Variants in CEP120 observed in about 807,000 individuals in gnomAD.
CEP120 encodes centrosomal protein 120, also known as centrosomal protein of 120 kDa.
CEP120 carries 113 observed loss-of-function variants against 126.5 expected under a neutral mutation model. That is an observed-to-expected ratio of 0.89 (90% CI 0.77 to 1.04). The LOEUF (loss-of-function observed/expected upper bound fraction) is 1.04. CEP120 is among the 50% of genes least tolerant of loss of function. The pLI is 0.00. For missense variants in CEP120, 1,230 were observed against 1,155.7 expected (o/e 1.06, Z -0.93); for synonymous variants, 400 against 394.3 (o/e 1.01, Z -0.17).
rs375851614 is a variant in CEP120, at chr5:123,389,935, G to A, written c.1244C>T (p.Pro415Leu). ...ESLQYDKDTK[P>L]NPKASSSVPA... ...ACAAAAAACCTTACCTTTTGGATTT[G>A]GTTTGGTGTCCTTATCATACTGTAA... The change falls in exon 8 of 20, where the codon CCA (proline) becomes CTA (leucine). Residue 415 changes from proline to leucine, a missense_variant. Coordinates refer to ENST00000306467, the MANE Select transcript of CEP120 (RefSeq NM_001375405.1). The A allele has an allele frequency of 6.7e-5, 108 of 1,613,160 alleles. No individual in the cohort carries two copies. Among genetic ancestry groups the A allele is most frequent in the Non-Finnish European group, 8.9e-5 (105 of 1,179,318 alleles).
intron 17 of CEP120, 127 bp downstream of exon 17, chr5:123,372,523 T>C (rs1770921179): frequency 2.1e-6 from 2 of 958,008 alleles, no homozygotes; most frequent in South Asian, 3.0e-5. Context: ...CCTTTAATTC[T>C]CTAATGCATT....
Position 123,423,276 on chromosome 5 carries a change from A to T in CEP120, c.-278T>A. The stretch of plus-strand genomic sequence containing the variant: ...CAAGCAGAGACAAGCCCGCCACCCG[A>T]GGACCTTTTGCCGCCTGCGTAGCCG... On this transcript the variant is annotated 5_prime_UTR_variant, in exon 1 of 20. Coordinates refer to ENST00000306467, the MANE Select transcript of CEP120 (RefSeq NM_001375405.1). 4 of 470,176 alleles carry T rather than the reference A, an allele frequency of 8.5e-6. No homozygotes were observed. Among genetic ancestry groups the T allele is most frequent in the Non-Finnish European group, 1.5e-5 (4 of 264,456 alleles). 29.1% of individuals were successfully genotyped at this position (470,176 alleles called of 1,614,324 possible).
chr5:123,351,525 C>A (rs1769197935), intron 18 of CEP120, among the ~76,000 whole-genome samples: 1 of 152,078 alleles, frequency 6.6e-6, no homozygotes, highest in Admixed American at 6.5e-5. Flanking sequence ...TATACATAGG[C>A]TTCAAATTGC....
chr5:123,366,159 T>G (rs1434513138), intron 17 of CEP120, among the ~76,000 whole-genome samples: 1 of 151,548 alleles, frequency 6.6e-6, no homozygotes. Context: ...TCCTAACTTA[T>G]TTTTTTTAAG....
intron 10 of CEP120, among the ~76,000 whole-genome samples, chr5:123,385,723 C>T (rs1296236682): frequency 1.3e-5 from 2 of 151,412 alleles, no homozygotes; most frequent in Non-Finnish European, 2.9e-5. Context: ...CTCAAGTGAT[C>T]CTCCCGTTTT....
chr5:123,383,031 A>G lies in CEP120; in HGVS notation c.1815T>C (p.Tyr605=). The G allele has an allele frequency of 1.3e-6, 2 of 1,587,580 alleles. No homozygotes were observed. The highest frequency in any genetic ancestry group is 2.2e-5 in the South Asian group (2 of 89,720). ...AAATCTCACGCATTTTTACTAGTCC[A>G]TAATCTTCTAGAGTCACTGTGTAAG... is the stretch of plus-strand genomic sequence containing the variant. ...DLSYTVTLED[Y]GLVKMREIFI... The change falls in exon 12 of 20, where the codon TAT becomes TAC. Residue 605 remains tyrosine (Y), a synonymous_variant. Transcript: ENST00000306467.
In CEP120 at chr5:123,346,536, T is replaced by TAA; in HGVS notation, c.2943_2944insTT (p.Ser982LeufsTer53). The TAA allele has an allele frequency of 6.2e-7, 1 of 1,611,640 alleles. No homozygotes were observed. The highest frequency in any genetic ancestry group is 1.1e-5 in the South Asian group (1 of 90,478). On this transcript the variant is annotated frameshift_variant, in exon 20 of 20. Coordinates refer to ENST00000306467, the MANE Select transcript of CEP120 (RefSeq NM_001375405.1). LOFTEE classifies it high-confidence loss of function. Reference sequence around the variant, plus strand: ...AAATGTTATTAATTACTGGCATTGCTTTTTGCCAAAATCTCTCTGATCTGT... The same window carrying TAA: ...AAATGTTATTAATTACTGGCATTGCTAATTTTGCCAAAATCTCTCTGATCTGT...
intron 7 of CEP120, 70 bp downstream of exon 7, chr5:123,391,040 A>T: frequency 8.7e-7 from 1 of 1,146,800 alleles, no homozygotes; most frequent in South Asian, 1.5e-5. Context: ...CTCTTCTGAA[A>T]TTCAACTTTT....
At chr5:123,411,135 T>A (rs1051550255) in intron 4 of CEP120, among the ~76,000 whole-genome samples, 1 of 152,156 alleles carries the variant, frequency 6.6e-6, no homozygotes, top group Non-Finnish European at 1.5e-5. Context: ...TGAGATACTA[T>A]GATATACCTA....
At chr5:123,394,498 G>A (rs921385091) in intron 5 of CEP120, among the ~76,000 whole-genome samples, 3 of 152,124 alleles carry the variant, frequency 2.0e-5, no homozygotes, top group African/African-American at 7.2e-5. Flanking sequence ...GGGCCCTAAT[G>A]CTCACTTGCC....
chr5:123,414,174 C>G (rs1774241833), intron 3 of CEP120, among the ~76,000 whole-genome samples: 1 of 152,170 alleles, frequency 6.6e-6, no homozygotes, highest in Non-Finnish European at 1.5e-5. Flanking sequence ...AGAGGATTTA[C>G]CTTCTCTGCA....
At chr5:123,395,712 T>C (rs6881176) in intron 5 of CEP120, among the ~76,000 whole-genome samples, 103,006 of 143,422 alleles carry the variant, frequency 0.72, 37,344 homozygotes, top group African/African-American at 0.78. Flanking sequence ...GACAGATTCT[T>C]GCACTGTCAC....
chr5:123,369,275 A>G (rs959187449), intron 17 of CEP120, among the ~76,000 whole-genome samples: 12 of 152,014 alleles, frequency 7.9e-5, no homozygotes, highest in Non-Finnish European at 1.6e-4. Context: ...TTCTATGTTT[A>G]GCATTTTACA....
At chr5:123,377,199 A>C (rs551280351) in intron 16 of CEP120, among the ~76,000 whole-genome samples, 175 bp downstream of exon 16, 94 of 152,276 alleles carry the variant, frequency 6.2e-4, no homozygotes, top group African/African-American at 2.2e-3. Flanking sequence ...AATTTCATAC[A>C]AAATAGTTAG....
At chr5:123,369,827 T>C (rs903186850) in intron 17 of CEP120, among the ~76,000 whole-genome samples, 7 of 152,104 alleles carry the variant, frequency 4.6e-5, no homozygotes, top group Admixed American at 2.0e-4. Context: ...CATTCATTTA[T>C]TTTTTTACTC....
rs1195689842 is a variant in CEP120 at position 123,401,753 on chromosome 5, C to G, written c.464-2469G>C. 7 of 1,233,342 alleles carry G rather than the reference C, an allele frequency of 5.7e-6. No individual in the cohort carries two copies. In the African/African-American group the frequency reaches 1.0e-4, roughly 18 times the overall value. The allele number at this position is 1,233,342 out of a possible 1,614,324, so 76.4% of individuals were successfully genotyped here. A position where few individuals can be genotyped will look rare whatever the true frequency, so the allele number is the denominator to read the frequency against. The stretch of plus-strand genomic sequence containing the variant: ...AATGTAAGCTTCATCCACAATCCTT[C>G]TTGATGAGGACAAATTCATTCTCCA... On this transcript the variant is annotated intron_variant, in intron 4 of 19. Coordinates refer to ENST00000306467, the MANE Select transcript of CEP120 (RefSeq NM_001375405.1).
chr5:123,401,350 C>T (rs2127097041), intron 4 of CEP120: 1 of 1,588,670 alleles, frequency 6.3e-7, no homozygotes, highest in Non-Finnish European at 8.6e-7. Context: ...TGGCGGCCTC[C>T]AGGAAAGCCC....
chr5:123,383,915 T>C (rs1771842697), intron 11 of CEP120, among the ~76,000 whole-genome samples: 1 of 152,128 alleles, frequency 6.6e-6, no homozygotes, highest in African/African-American at 2.4e-5. Flanking sequence ...CTCACACAAT[T>C]AGAACTCTTA....
rs1180521858 is a variant in CEP120 at position 123,352,787 on chromosome 5, CT to C, written c.2581-2699del. On this transcript the variant is annotated intron_variant, in intron 18 of 19. Coordinates refer to ENST00000306467, the MANE Select transcript of CEP120 (RefSeq NM_001375405.1). ...GGCCAAAACCAGTGTCTTTAAAATA[CT>C]GATTTTTCAATCAATGGAATGGTTT... 2.0e-5 allele frequency among the ~76,000 whole-genome samples: 3 copies of C among 152,062 alleles called. No individual in the cohort carries two copies. The East Asian group carries it at 5.8e-4, about 29-fold the overall frequency.
Sources: gnomAD v4.1 joint callset for allele counts (sites outside exome capture counted in the v4.1 genomes callset) on GRCh38, gnomAD v4.1.1 for gene constraint, MANE v1.5 for transcripts, NCBI Gene and HGNC (gene_info 2026-07-23, HGNC 2026-07-21) for gene names.